The following BRD4 variants were observed in gnomAD, a reference collection of about 807,000 sequenced individuals.
The protein encoded by BRD4 is bromodomain containing 4.
In BRD4, 16 loss-of-function variants were observed where a neutral mutation model predicts 142.1. The ratio of observed to expected loss-of-function variants is 0.11; its 90% CI spans 0.08 to 0.17. The LOEUF (loss-of-function observed/expected upper bound fraction) is 0.17, where lower values mean the gene tolerates loss of function less well. BRD4 is among the 10% of genes least tolerant of loss of function. The probability of loss-of-function intolerance (pLI) is 1.00; values close to 1 mark genes in which losing one functional copy is unlikely to be tolerated. For synonymous variants in BRD4, 833 were observed against 707.5 expected, an observed-to-expected ratio of 1.18 and a Z score of -2.82; for missense variants, 1,424 against 1,810.9, an observed-to-expected ratio of 0.79 and a Z score of 3.88.
At chr19:15,300,229 G>A (rs1164421844) in intron 1 of BRD4, among the ~76,000 whole-genome samples, 1 of 152,086 alleles carries the variant, frequency 6.6e-6, no homozygotes, top group African/African-American at 2.4e-5. Flanking sequence ...GGGCGACAGA[G>A]CAAGACCCTG....
At chr19:15,323,366 T>C (rs564022794) in intron 1 of BRD4, among the ~76,000 whole-genome samples, 1 of 152,202 alleles carries the variant, frequency 6.6e-6, no homozygotes, top group African/African-American at 2.4e-5. Context: ...CAGCCCAGTA[T>C]GGCCCAGACT....
intron 1 of BRD4, among the ~76,000 whole-genome samples, chr19:15,286,116 G>A (rs1388048352): frequency 6.6e-6 from 1 of 152,094 alleles, no homozygotes; most frequent in Non-Finnish European, 1.5e-5. Flanking sequence ...TTCTTCCCAC[G>A]CCTCTGTCCT....
At position 15,314,370 on chromosome 19, in the gene BRD4, T is replaced by C. The variant is rs563394064; in HGVS notation, c.-35+17920A>G. Among the ~76,000 whole-genome samples the C allele has an allele frequency of 5.3e-5, 8 of 152,314 alleles. No individual in the cohort carries two copies. In the South Asian group the frequency reaches 1.7e-3, roughly 32 times the overall value. ...TTATCTAGGTCACTAGAGTTCACTC[T>C]AGGACACATTGTTTTGGAAAGAAAA... On this transcript the variant is annotated intron_variant, in intron 1 of 19. Transcript: ENST00000679869.
At chr19:15,274,250 C>T (rs1416253619) in intron 1 of BRD4, among the ~76,000 whole-genome samples, 1 of 152,178 alleles carries the variant, frequency 6.6e-6, no homozygotes, top group African/African-American at 2.4e-5. Context: ...AGGACAGCAT[C>T]ACAGACAAGG....
chr19:15,320,957 G>A (rs2048056199), intron 1 of BRD4, among the ~76,000 whole-genome samples: 2 of 152,214 alleles, frequency 1.3e-5, no homozygotes, highest in African/African-American at 4.8e-5. Flanking sequence ...CTCTGGGCCA[G>A]GCATAGTGGC....
chr19:15,328,945 G>A (rs1297694479), intron 1 of BRD4, among the ~76,000 whole-genome samples: 1 of 152,164 alleles, frequency 6.6e-6, no homozygotes, highest in Non-Finnish European at 1.5e-5. Flanking sequence ...GGCTAATTTT[G>A]TATTTTTAAT....
At chr19:15,327,360 G>A (rs1366737679) in intron 1 of BRD4, among the ~76,000 whole-genome samples, 1 of 152,126 alleles carries the variant, frequency 6.6e-6, no homozygotes. Flanking sequence ...CCAACATGGT[G>A]AAACCCCATC....
rs147066018 is a variant in BRD4 at position 15,277,089 on chromosome 19, G to A, written c.-34-3956C>T. 2.1e-3 allele frequency among the ~76,000 whole-genome samples: 318 copies of A among 152,288 alleles called. 1 individual carries two copies. Among genetic ancestry groups the A allele is most frequent in the Non-Finnish European group, 3.5e-3 (241 of 68,018 alleles). ...TTTTCCGTTGAAAAGATTAAAAACTGCTGCTCCCTCTCCATTTTCATACTG... is the reference window on the plus strand; with the variant it reads ...TTTTCCGTTGAAAAGATTAAAAACTACTGCTCCCTCTCCATTTTCATACTG... On this transcript the variant is annotated intron_variant, in intron 1 of 19. Coordinates refer to ENST00000679869, the MANE Select transcript of BRD4 (RefSeq NM_001379291.1).
At chr19:15,241,924 C>T (rs574519547) in intron 14 of BRD4, among the ~76,000 whole-genome samples, 1 of 151,262 alleles carries the variant, frequency 6.6e-6, no homozygotes, top group Non-Finnish European at 1.5e-5. Flanking sequence ...GCGATTCTCC[C>T]GCCTCAGCCT....
At position 15,244,248 on chromosome 19, in the gene BRD4, G is replaced by T; in HGVS notation, c.2564C>A (p.Ala855Glu). ...CGGCTCACCTGGAGGAGAGACCACT[G>T]CGTGCTGGTTGAGATGGGGTGGAGT... ...HSTPPHLNQH[A>E]VVSPPALHNA... is the part of the protein sequence containing the mutation. Residue 855 changes from alanine (A) to glutamate (E), a missense_variant, in exon 13 of 20, where the codon GCA (alanine) becomes GAA (glutamate). This residue lies in a region of BRD4 where 598 missense variants were observed against 647.8 expected (regional missense o/e 0.92). Transcript: ENST00000679869. 1 of 1,572,980 alleles carries T rather than the reference G, an allele frequency of 6.4e-7. No homozygotes were observed.
intron 1 of BRD4, among the ~76,000 whole-genome samples, chr19:15,292,777 C>CAAAAAAAAAAAAAAAA (rs57341445): frequency 5.6e-4 from 32 of 57,254 alleles, no homozygotes; most frequent in South Asian, 8.5e-4. Context: ...GACTCCGTCT[C>CAAAAAAAAAAAAAAAA]AAAAAAAAAA....
Position 15,253,575 on chromosome 19 carries a change from G to A in BRD4, c.2158+577C>T, listed in dbSNP as rs370265878. 1.4e-4 allele frequency: 223 copies of A among 1,575,432 alleles called. No individual in the cohort carries two copies. Among genetic ancestry groups the A allele is most frequent in the Non-Finnish European group, 1.7e-4 (198 of 1,168,788 alleles). On this transcript the variant is annotated intron_variant, in intron 11 of 19. Coordinates refer to ENST00000679869, the MANE Select transcript of BRD4 (RefSeq NM_001379291.1). ...GGCAGATTCAGGAGCAGCCAACACA[G>A]CAACGAGCACACTCTGGGGAGGGGT...
intron 1 of BRD4, among the ~76,000 whole-genome samples, chr19:15,327,277 G>A (rs554570596): frequency 1.3e-5 from 2 of 152,244 alleles, no homozygotes; most frequent in South Asian, 2.1e-4. Flanking sequence ...GGTGGCTCAC[G>A]CCTGTAATCC....
chr19:15,270,496 T>C (rs1005701206), intron 2 of BRD4, among the ~76,000 whole-genome samples: 2 of 152,212 alleles, frequency 1.3e-5, no homozygotes, highest in African/African-American at 4.8e-5. Context: ...TGAATAGATC[T>C]ATCCCAGTGG....
rs201799550 is a variant in BRD4, at chr19:15,242,873, C to T, written c.3169+27G>A. The T allele has an allele frequency of 9.9e-5, 158 of 1,591,878 alleles. No individual in the cohort carries two copies. The East Asian group carries it at 1.9e-3, about 19-fold the overall frequency. ...ACTATAGGCCCAGCACCAGCCTCCC[C>T]AGAGTCTACGGGTGAGGACCACTTA... On this transcript the variant is annotated intron_variant, in intron 14 of 19. Transcript: ENST00000679869.
rs200734576 is a variant in BRD4 at position 15,265,663 on chromosome 19, G to A, written c.560-20C>T. ...CTGTCCCTACAAATCATAATAAGAC[G>A]GCGAGTTAGAGACCATGCTGACATC... On this transcript the variant is annotated intron_variant, in intron 4 of 19. Coordinates refer to ENST00000679869, the MANE Select transcript of BRD4 (RefSeq NM_001379291.1). 1.0e-4 allele frequency: 167 copies of A among 1,613,700 alleles called. 1 individual carries two copies. The highest frequency in any genetic ancestry group is 3.3e-4 in the Middle Eastern group (2 of 6,080).
At chr19:15,297,295 CAG>C (rs2047831363) in intron 1 of BRD4, among the ~76,000 whole-genome samples, 1 of 152,190 alleles carries the variant, frequency 6.6e-6, no homozygotes, top group East Asian at 1.9e-4. Context: ...GCACAGACTG[CAG>C]AGCCTTCCAA....
intron 1 of BRD4, among the ~76,000 whole-genome samples, chr19:15,300,565 AAAACAAAAAATC>A (rs1484863876): frequency 2.0e-5 from 3 of 152,084 alleles, no homozygotes; most frequent in African/African-American, 7.2e-5. Flanking sequence ...AACAAAAACA[AAAACAAAAAATC>A]AAACAAAACC....
intron 1 of BRD4, among the ~76,000 whole-genome samples, chr19:15,287,357 A>C (rs2047747877): frequency 6.6e-6 from 1 of 152,166 alleles, no homozygotes; most frequent in Non-Finnish European, 1.5e-5. Context: ...TGGTGACATT[A>C]AGTGCATTCA....
Sources: allele counts gnomAD v4.1 joint callset (sites outside exome capture counted in the v4.1 genomes callset), GRCh38; gene constraint gnomAD v4.1.1; regional missense constraint gnomAD v4.1.1; transcripts MANE v1.5; gene names NCBI Gene and HGNC (gene_info 2026-07-23, HGNC 2026-07-21).